Variants in UCHL3 observed in about 807,000 individuals in gnomAD.
The protein encoded by UCHL3 is ubiquitin carboxyl-terminal hydrolase isozyme L3.
A neutral mutation model predicts 35.8 loss-of-function variants in UCHL3; 22 were observed. That is an observed-to-expected ratio of 0.61 (90% confidence interval 0.44 to 0.88). UCHL3 has a LOEUF of 0.88. UCHL3 is among the 40% of genes least tolerant of loss of function. The pLI, the probability that UCHL3 is intolerant of heterozygous loss-of-function variation, is 0.00. For missense variants in UCHL3, 229 were observed against 276.9 expected (o/e 0.83, Z 1.23); for synonymous variants, 90 against 92.8 (o/e 0.97, Z 0.17).
intron 3 of UCHL3, among the ~76,000 whole-genome samples, chr13:75,566,086 T>C (rs2031673800): frequency 6.6e-6 from 1 of 152,212 alleles, no homozygotes. Context: ...ATAAACAATA[T>C]AGAAACGTAA....
At chr13:75,553,357 G>A (rs986737940) in intron 2 of UCHL3, among the ~76,000 whole-genome samples, 5 of 151,858 alleles carry the variant, frequency 3.3e-5, no homozygotes, top group Admixed American at 3.3e-4. Context: ...AACTTTTTTT[G>A]TCAAGTTCAC....
Position 75,560,821 on chromosome 13 carries a change from C to G in UCHL3, c.123C>G (p.Leu41=). The G allele has an allele frequency of 3.8e-6, 6 of 1,584,634 alleles. No individual in the cohort carries two copies. Among genetic ancestry groups the G allele is most frequent in the Non-Finnish European group, 5.1e-6 (6 of 1,170,124 alleles). ...FVDVYGMDPE[L]LSMVPRPVCA... The stretch of plus-strand genomic sequence containing the variant: ...ATGTATATGGAATGGATCCTGAACT[C>G]CTTAGCATGGTACCAAGACCAGTCT... The change falls in exon 3 of 9, where the codon CTC becomes CTG. Residue 41 remains leucine (L), a synonymous_variant. Transcript: ENST00000377595.
chr13:75,601,307 T>G (rs1038629934), intron 7 of UCHL3, among the ~76,000 whole-genome samples: 2 of 152,196 alleles, frequency 1.3e-5, no homozygotes, highest in Admixed American at 6.5e-5. Flanking sequence ...TTGGAAGAAG[T>G]TCTCCTGTGG....
At chr13:75,565,097 C>T (rs1373813955) in intron 3 of UCHL3, among the ~76,000 whole-genome samples, 2 of 152,064 alleles carry the variant, frequency 1.3e-5, no homozygotes, top group Non-Finnish European at 2.9e-5. Context: ...ATTTATGTCT[C>T]TTGGCCTTAT....
chr13:75,578,005 G>A (rs1289211580), intron 6 of UCHL3, among the ~76,000 whole-genome samples: 1 of 152,018 alleles, frequency 6.6e-6, no homozygotes, highest in East Asian at 1.9e-4. Context: ...AATAACAGCA[G>A]TATTGTTTTC....
chr13:75,592,423 T>TATATATGTATATACATATATAC (rs1310296676), intron 6 of UCHL3, among the ~76,000 whole-genome samples: 658 of 19,676 alleles, frequency 0.033, 72 homozygotes, highest in East Asian at 0.066. Context: ...TTCATATATA[T>TATATATGTATATACATATATAC]ATATATATAT....
At position 75,586,636 on chromosome 13, in the gene UCHL3, C is replaced by T. The variant is rs1025986271; in HGVS notation, c.475-8279C>T. On this transcript the variant is annotated intron_variant, in intron 6 of 8. Coordinates refer to ENST00000377595, the MANE Select transcript of UCHL3 (RefSeq NM_006002.5). ...CCATATTCTGGATTAAAAAATCAAC[C>T]TTAAATTTTTTTAAAAAATTTAATT... Among the ~76,000 whole-genome samples, 6 of 151,848 alleles carry T rather than the reference C, an allele frequency of 4.0e-5. 1 individual carries two copies. The highest frequency in any genetic ancestry group is 3.9e-4 in the Admixed American group (6 of 15,234).
intron 2 of UCHL3, among the ~76,000 whole-genome samples, chr13:75,552,695 C>T (rs890875260): frequency 1.3e-5 from 2 of 152,176 alleles, no homozygotes; most frequent in Non-Finnish European, 2.9e-5. Flanking sequence ...ACATTTTAAA[C>T]TCTACTTTAT....
At chr13:75,588,814 C>T (rs890225116) in intron 6 of UCHL3, among the ~76,000 whole-genome samples, 2 of 152,036 alleles carry the variant, frequency 1.3e-5, no homozygotes, top group African/African-American at 4.8e-5. Context: ...CTTTTTATTT[C>T]TTCTCACTAT....
intron 6 of UCHL3, among the ~76,000 whole-genome samples, chr13:75,576,867 G>A (rs996494750): frequency 1.3e-5 from 2 of 152,122 alleles, no homozygotes; most frequent in Non-Finnish European, 2.9e-5. Context: ...ATATATACGT[G>A]CCCAGTTAAG....
chr13:75,598,595 C>A (rs1449737396), intron 7 of UCHL3, among the ~76,000 whole-genome samples: 2 of 152,130 alleles, frequency 1.3e-5, no homozygotes, highest in Non-Finnish European at 2.9e-5. Flanking sequence ...AGATTATCCT[C>A]CAATTTAGGC....
chr13:75,576,949 A>C (rs1479237915), intron 6 of UCHL3, among the ~76,000 whole-genome samples: 1 of 151,496 alleles, frequency 6.6e-6, no homozygotes, highest in Non-Finnish European at 1.5e-5. Flanking sequence ...TCAACCAACC[A>C]CTTAATGAAA....
At chr13:75,549,714 C>T, upstream of UCHL3, 2 of 1,333,428 alleles carry the variant, frequency 1.5e-6, no homozygotes, top group Admixed American at 6.1e-5. Flanking sequence ...GGCGCTCCTC[C>T]TCCGGGCGGT....
At chr13:75,554,237 T>C (rs543221041) in intron 2 of UCHL3, among the ~76,000 whole-genome samples, 24 of 152,250 alleles carry the variant, frequency 1.6e-4, no homozygotes, top group African/African-American at 5.8e-4. Flanking sequence ...AATTTTTGTA[T>C]TTTTTGTAGA....
At chr13:75,549,505 C>G (rs7995889), upstream of UCHL3, 11 of 360,064 alleles carry the variant, frequency 3.1e-5, no homozygotes, top group East Asian at 4.2e-4. Flanking sequence ...CGCGAGCGCT[C>G]GGCAAGGCTC....
rs140766132 is a variant in UCHL3, at chr13:75,586,910, A to G, written c.475-8005A>G. On this transcript the variant is annotated intron_variant, in intron 6 of 8. Coordinates refer to ENST00000377595, the MANE Select transcript of UCHL3 (RefSeq NM_006002.5). ...CTATAGCATGAAATGCTTATAGTAGAAAAAAACAAACAAACAGAGGTTAGA... is the reference window on the plus strand; with the variant it reads ...CTATAGCATGAAATGCTTATAGTAGGAAAAAACAAACAAACAGAGGTTAGA... Among the ~76,000 whole-genome samples, 874 of 151,868 alleles carry G rather than the reference A, an allele frequency of 5.8e-3. 3 individuals carry two copies. Among genetic ancestry groups the G allele is most frequent in the Non-Finnish European group, 8.4e-3 (571 of 67,836 alleles).
At chr13:75,569,636 C>G (rs1350264462) in intron 6 of UCHL3, 129 bp downstream of exon 6, 1 of 846,374 alleles carries the variant, frequency 1.2e-6, no homozygotes, top group South Asian at 2.3e-5. Context: ...TTGTTTTTTC[C>G]TTTGAGAGAA....
chr13:75,558,388 T>C (rs1424125562), intron 2 of UCHL3, among the ~76,000 whole-genome samples: 3 of 152,226 alleles, frequency 2.0e-5, no homozygotes, highest in African/African-American at 7.2e-5. Context: ...TACTTGCTGA[T>C]TTTGTCCAGA....
intron 7 of UCHL3, among the ~76,000 whole-genome samples, chr13:75,595,954 T>A (rs1198880708): frequency 6.6e-6 from 1 of 152,148 alleles, no homozygotes; most frequent in Non-Finnish European, 1.5e-5. Flanking sequence ...TCTCGAGTTT[T>A]AAAAAAGCCA....
Sources: gnomAD v4.1 joint callset for allele counts (sites outside exome capture counted in the v4.1 genomes callset) on GRCh38, gnomAD v4.1.1 for gene constraint, MANE v1.5 for transcripts, NCBI Gene and HGNC (gene_info 2026-07-23, HGNC 2026-07-21) for gene names.